The following RELN variants were observed in gnomAD, a reference collection of about 807,000 sequenced individuals.
RELN encodes reelin.
Under a neutral mutation model 427.6 loss-of-function variants are expected in RELN, and 108 were observed. That is an observed-to-expected ratio of 0.25 (90% CI 0.22 to 0.30). RELN has a LOEUF of 0.30. RELN is among the 10% of genes least tolerant of loss of function. The pLI, the probability that RELN is intolerant of heterozygous loss-of-function variation, is 1.00. For synonymous variants in RELN, 1,524 were observed against 1,513.4 expected, an observed-to-expected ratio of 1.01 and a Z score of -0.16; for missense variants, 3,715 against 4,302.8, an observed-to-expected ratio of 0.86 and a Z score of 3.82.
At chr7:103,739,838 G>T (rs1790596202) in intron 6 of RELN, among the ~76,000 whole-genome samples, 1 of 152,186 alleles carries the variant, frequency 6.6e-6, no homozygotes, top group Non-Finnish European at 1.5e-5. Flanking sequence ...AAGGACCAGA[G>T]TTGCACAATT....
Position 103,604,455 on chromosome 7 carries a change from G to A in RELN, c.3037C>T (p.Gln1013Ter). 2.5e-6 allele frequency: 4 copies of A among 1,613,856 alleles called. No individual in the cohort carries two copies. The highest frequency in any genetic ancestry group is 3.4e-6 in the Non-Finnish European group (4 of 1,179,810). The change falls in exon 23 of 65, where the codon CAG becomes TAG. Residue 1013 changes from glutamine (Q) to a stop codon, truncating the protein, a stop_gained. Transcript: ENST00000428762. LOFTEE classifies it high-confidence loss of function. ...WSSATRFRWS[Q>*]SYYTAQDEWA... ...TCGTCTTGAGCTGTGTAATAGCTCT[G>A]GCTCCAGCGGAAACGGGTAGCACTG...
At chr7:103,815,129 GTGAT>G (rs1182825573) in intron 3 of RELN, among the ~76,000 whole-genome samples, 1 of 152,190 alleles carries the variant, frequency 6.6e-6, no homozygotes, top group South Asian at 2.1e-4. Flanking sequence ...GCTCATGAAA[GTGAT>G]TGAATTTGTA....
intron 50 of RELN, among the ~76,000 whole-genome samples, chr7:103,512,323 T>C (rs1034989390): frequency 6.6e-6 from 1 of 152,232 alleles, no homozygotes; most frequent in African/African-American, 2.4e-5. Flanking sequence ...AATAAAATCT[T>C]ATTAAATAGA....
chr7:103,540,566 T>C (rs574352143), intron 43 of RELN, 111 bp from the exon 44 acceptor site: 1 of 955,446 alleles, frequency 1.0e-6, no homozygotes, highest in East Asian at 2.4e-5. Context: ...TCAATAAATA[T>C]GGCGATTTAA....
rs1481170491 is a variant in RELN, at chr7:103,910,694, C to T, written c.337+6381G>A. 8.2e-5 allele frequency among the ~76,000 whole-genome samples: 11 copies of T among 134,294 alleles called. No homozygotes were observed. In the East Asian group the frequency reaches 8.9e-4, roughly 11 times the overall value. The allele number at this position is 134,294 out of a possible 152,430, so 88.1% of individuals were successfully genotyped here. A position where few individuals can be genotyped will look rare whatever the true frequency, so the allele number is the denominator to read the frequency against. ...AACAGAACAGAGCCCTCAGAAATAACGCCACATACCTACAACTATCTGATC... is the reference window on the plus strand; with the variant it reads ...AACAGAACAGAGCCCTCAGAAATAATGCCACATACCTACAACTATCTGATC... On this transcript the variant is annotated intron_variant, in intron 2 of 64. Coordinates refer to ENST00000428762, the MANE Select transcript of RELN (RefSeq NM_005045.4).
chr7:103,907,906 T>C (rs1795252824), intron 2 of RELN, among the ~76,000 whole-genome samples: 1 of 152,120 alleles, frequency 6.6e-6, no homozygotes, highest in Admixed American at 6.6e-5. Context: ...ATTTAGGTTT[T>C]ACGCTCCACA....
At chr7:103,686,297 C>T (rs1019205756) in intron 10 of RELN, among the ~76,000 whole-genome samples, 6 of 152,070 alleles carry the variant, frequency 3.9e-5, no homozygotes, top group African/African-American at 1.4e-4. Flanking sequence ...GCTGGAAGAC[C>T]ATTTTTGATA....
At chr7:103,801,706 G>A (rs922191285) in intron 3 of RELN, among the ~76,000 whole-genome samples, 7 of 149,206 alleles carry the variant, frequency 4.7e-5, no homozygotes, top group African/African-American at 1.7e-4. Flanking sequence ...TTGTGCACAT[G>A]TACCCTAGAA....
At chr7:103,717,200 G>A (rs62482637) in intron 8 of RELN, among the ~76,000 whole-genome samples, 37,560 of 151,292 alleles carry the variant, frequency 0.25, 4,816 homozygotes, top group South Asian at 0.38. Context: ...TGGGTTTAGT[G>A]GTATTTTACA....
intron 46 of RELN, among the ~76,000 whole-genome samples, chr7:103,529,371 A>T (rs1487929363): frequency 1.3e-5 from 2 of 151,908 alleles, no homozygotes; most frequent in African/African-American, 2.4e-5. Flanking sequence ...GGCTAGTAGA[A>T]GGGAATAGAT....
At chr7:103,844,365 A>T (rs1393418692) in intron 2 of RELN, among the ~76,000 whole-genome samples, 1 of 152,142 alleles carries the variant, frequency 6.6e-6, no homozygotes, top group African/African-American at 2.4e-5. Context: ...CAGCACCATG[A>T]TTCAGACTTC....
At position 103,836,029 on chromosome 7, in the gene RELN, T is replaced by C. The variant is rs143743968; in HGVS notation, c.338-2357A>G. The stretch of plus-strand genomic sequence containing the variant: ...AGAGCGCAATGGTGCAACCTTGGCT[T>C]ACTGCAACCTGCAATCTCCACCGCT... On this transcript the variant is annotated intron_variant, in intron 2 of 64. Transcript: ENST00000428762. Among the ~76,000 whole-genome samples, 1,033 of 151,978 alleles carry C rather than the reference T, an allele frequency of 6.8e-3. 10 individuals are homozygous for C. Among genetic ancestry groups the C allele is most frequent in the African/African-American group, 0.023 (949 of 41,412 alleles).
At chr7:103,490,296 G>A (rs901585460) in intron 59 of RELN, among the ~76,000 whole-genome samples, 5 of 151,966 alleles carry the variant, frequency 3.3e-5, no homozygotes, top group African/African-American at 2.4e-5. Context: ...GCTGGTATTT[G>A]TATCTGGATG....
At chr7:103,580,863 A>G (rs562029626) in intron 28 of RELN, among the ~76,000 whole-genome samples, 63 of 152,246 alleles carry the variant, frequency 4.1e-4, no homozygotes, top group African/African-American at 1.5e-3. Context: ...TCCTCATTGT[A>G]TCGTTGTAGC....
chr7:103,933,691 A>G (rs971420805), intron 1 of RELN, among the ~76,000 whole-genome samples: 6 of 152,134 alleles, frequency 3.9e-5, no homozygotes, highest in Non-Finnish European at 7.4e-5. Flanking sequence ...GATGTACTCA[A>G]GTTCAGCTTC....
chr7:103,598,837 G>C (rs1157392150), intron 24 of RELN, among the ~76,000 whole-genome samples: 2 of 152,200 alleles, frequency 1.3e-5, no homozygotes, highest in Non-Finnish European at 2.9e-5. Context: ...GTTTTTGCCA[G>C]AATTCAGAAT....
chr7:103,743,709 C>T (rs1407315542), intron 6 of RELN, among the ~76,000 whole-genome samples: 1 of 152,132 alleles, frequency 6.6e-6, no homozygotes, highest in East Asian at 1.9e-4. Flanking sequence ...ACAAGAAGAG[C>T]TAACTATCCT....
intron 40 of RELN, among the ~76,000 whole-genome samples, chr7:103,552,938 T>C (rs1218607972): frequency 1.3e-5 from 2 of 152,134 alleles, no homozygotes; most frequent in Admixed American, 6.5e-5. Context: ...TTGAAATATA[T>C]AAATATTTTT....
intron 3 of RELN, among the ~76,000 whole-genome samples, chr7:103,787,350 A>G (rs1200968543): frequency 6.6e-6 from 1 of 151,674 alleles, no homozygotes; most frequent in Non-Finnish European, 1.5e-5. Flanking sequence ...CTAAGATCAG[A>G]GCAGAACTGA....
Sources: allele counts gnomAD v4.1 joint callset (sites outside exome capture counted in the v4.1 genomes callset), GRCh38; gene constraint gnomAD v4.1.1; transcripts MANE v1.5; gene names NCBI Gene and HGNC (gene_info 2026-07-23, HGNC 2026-07-21).